Variants in CHST9 observed in about 807,000 individuals in gnomAD.
CHST9 encodes the protein carbohydrate sulfotransferase 9.
Under a neutral mutation model 44.4 loss-of-function variants are expected in CHST9, and 41 were observed. That is an observed-to-expected ratio of 0.92 (90% confidence interval 0.72 to 1.20). The LOEUF is 1.20. Ranked by LOEUF, CHST9 falls within the 50% of genes most tolerant of loss-of-function variation. The pLI, the probability that CHST9 is intolerant of heterozygous loss-of-function variation, is 0.00. For missense variants in CHST9, 504 were observed against 516.5 expected (o/e 0.98, Z 0.23); for synonymous variants, 171 against 178.4 (o/e 0.96, Z 0.33).
At chr18:27,114,275 T>C (rs1204594558) in intron 2 of CHST9, among the ~76,000 whole-genome samples, 2 of 152,238 alleles carry the variant, frequency 1.3e-5, no homozygotes, top group African/African-American at 4.8e-5. Flanking sequence ...TATAGTCTTC[T>C]ATCCCAAAAC....
At chr18:27,135,670 C>A (rs944365176) in intron 2 of CHST9, among the ~76,000 whole-genome samples, 4 of 152,166 alleles carry the variant, frequency 2.6e-5, no homozygotes, top group Non-Finnish European at 4.4e-5. Context: ...GCACTCCCAG[C>A]CTGGCAAATT....
rs771813887 is a variant in CHST9 at position 26,916,365 on chromosome 18, A to G, written c.1226T>C (p.Val409Ala). 10 of 1,613,772 alleles carry G rather than the reference A, an allele frequency of 6.2e-6. No individual in the cohort carries two copies. The highest frequency in any genetic ancestry group is 7.6e-6 in the Non-Finnish European group (9 of 1,179,702). Reference protein sequence around the residue: ...HSSDERTNAQVVRQYLKDLTR... With the variant: ...HSSDERTNAQAVRQYLKDLTR... ...CAGATCCTTTAAATACTGTCTCACGACTTGAGCATTGGTTCTTTCATCGGA... is the reference window on the plus strand; with the variant it reads ...CAGATCCTTTAAATACTGTCTCACGGCTTGAGCATTGGTTCTTTCATCGGA... Residue 409 changes from valine (V) to alanine (A), a missense_variant, in exon 6 of 6, where the codon GTC (valine) becomes GCC (alanine). Transcript: ENST00000618847.
chr18:26,947,394 A>C (rs563695792), intron 4 of CHST9, among the ~76,000 whole-genome samples: 2 of 152,314 alleles, frequency 1.3e-5, no homozygotes, highest in African/African-American at 4.8e-5. Flanking sequence ...AAAAAGCCAA[A>C]ATTGACAAAT....
At chr18:27,087,285 G>C (rs1343881080) in intron 2 of CHST9, among the ~76,000 whole-genome samples, 1 of 152,202 alleles carries the variant, frequency 6.6e-6, no homozygotes, top group South Asian at 2.1e-4. Flanking sequence ...TAATTTAAAA[G>C]GTGTCAGGAA....
rs564356228 is a variant in CHST9 at position 26,911,292 on chromosome 18, C to T, written c.*4967G>A. The T allele has an allele frequency of 9.8e-5, 15 of 152,302 alleles. No homozygotes were observed. The East Asian group carries it at 2.9e-3, about 29-fold the overall frequency. The allele number at this position is 152,302 out of a possible 1,614,324, so 9.4% of individuals were successfully genotyped here. ...GCATTCAACAGACACAGTTCCTTTC[C>T]TCTTGGAAGACCTAAGACATTCCAA... On this transcript the variant is annotated 3_prime_UTR_variant, in exon 6 of 6. Coordinates refer to ENST00000618847, the MANE Select transcript of CHST9 (RefSeq NM_031422.6).
At chr18:27,056,166 C>T (rs1449588453) in intron 2 of CHST9, among the ~76,000 whole-genome samples, 1 of 152,074 alleles carries the variant, frequency 6.6e-6, no homozygotes, top group African/African-American at 2.4e-5. Flanking sequence ...GAGTAAGATA[C>T]TTGAAAGATC....
At chr18:26,942,321 A>T (rs2145113062) in intron 5 of CHST9, among the ~76,000 whole-genome samples, 1 of 152,296 alleles carries the variant, frequency 6.6e-6, no homozygotes, top group South Asian at 2.1e-4. Context: ...TCACTGTAGG[A>T]TTAGAAATAT....
chr18:27,141,876 C>T (rs914785341), intron 2 of CHST9, among the ~76,000 whole-genome samples: 2 of 151,992 alleles, frequency 1.3e-5, no homozygotes, highest in African/African-American at 4.8e-5. Context: ...CAGAACTTCA[C>T]AAGATCTGTA....
intron 2 of CHST9, among the ~76,000 whole-genome samples, chr18:27,137,190 T>G (rs990342311): frequency 2.6e-5 from 4 of 151,614 alleles, no homozygotes; most frequent in African/African-American, 9.7e-5. Flanking sequence ...GAGAGATTGA[T>G]TTATACATAT....
At chr18:26,936,538 TACTC>T (rs930846435) in intron 5 of CHST9, 3 of 152,160 alleles carry the variant, frequency 2.0e-5, no homozygotes, top group African/African-American at 4.8e-5. Context: ...GGTGATGAGT[TACTC>T]AATACTGAAC....
intron 2 of CHST9, among the ~76,000 whole-genome samples, chr18:27,128,088 G>C (rs547871027): frequency 1.8e-3 from 273 of 152,220 alleles, no homozygotes; most frequent in African/African-American, 6.4e-3. Flanking sequence ...ATTTATCCTG[G>C]TACCAATCCA....
intron 1 of CHST9, among the ~76,000 whole-genome samples, chr18:27,162,991 G>T (rs2058760397): frequency 6.6e-6 from 1 of 152,066 alleles, no homozygotes; most frequent in Non-Finnish European, 1.5e-5. Flanking sequence ...TGGGGTTTTG[G>T]TGTGGATGTC....
chr18:26,975,234 G>A (rs1036202605), intron 4 of CHST9, among the ~76,000 whole-genome samples: 2 of 152,136 alleles, frequency 1.3e-5, no homozygotes, highest in South Asian at 2.1e-4. Context: ...GTGGGGGGAA[G>A]AGACATAGGG....
At chr18:26,921,477 CCTT>C (rs1365128450) in intron 5 of CHST9, among the ~76,000 whole-genome samples, 1 of 152,180 alleles carries the variant, frequency 6.6e-6, no homozygotes, top group Non-Finnish European at 1.5e-5. Context: ...GGCCACCAGA[CCTT>C]CTCCTGGAAC....
chr18:27,107,149 T>C (rs559235934), intron 2 of CHST9, among the ~76,000 whole-genome samples: 33 of 152,270 alleles, frequency 2.2e-4, no homozygotes, highest in African/African-American at 7.5e-4. Context: ...AGTGAAGTGG[T>C]CTTGAAAGGT....
chr18:27,105,510 G>C (rs1213346547), intron 2 of CHST9, among the ~76,000 whole-genome samples: 1 of 152,118 alleles, frequency 6.6e-6, no homozygotes, highest in East Asian at 1.9e-4. Context: ...TGTAGGTTTG[G>C]TGTATGAGAA....
At chr18:26,944,162 A>G (rs527452474) in intron 5 of CHST9, among the ~76,000 whole-genome samples, 167 bp downstream of exon 5, 1 of 152,314 alleles carries the variant, frequency 6.6e-6, no homozygotes, top group South Asian at 2.1e-4. Flanking sequence ...AAGAAAGCGC[A>G]TGGTCATCTA....
chr18:26,989,334 A>T (rs1326366522), intron 4 of CHST9, among the ~76,000 whole-genome samples: 1 of 152,228 alleles, frequency 6.6e-6, no homozygotes, highest in Non-Finnish European at 1.5e-5. Context: ...AAAGATGCTC[A>T]ACATCATTAG....
intron 2 of CHST9, among the ~76,000 whole-genome samples, chr18:27,083,794 T>C (rs756210427): frequency 2.0e-5 from 3 of 152,128 alleles, no homozygotes; most frequent in African/African-American, 4.8e-5. Context: ...TGTCTCTGTC[T>C]GTGACAACAT....
Sources: allele counts gnomAD v4.1 joint callset (sites outside exome capture counted in the v4.1 genomes callset), GRCh38; gene constraint gnomAD v4.1.1; transcripts MANE v1.5; gene names NCBI Gene and HGNC (gene_info 2026-07-23, HGNC 2026-07-21).